XXYLT1: variants seen among roughly 807,000 people sequenced by gnomAD.
XXYLT1 encodes xyloside xylosyltransferase 1, also known as UDP-xylose:alpha-xyloside alpha-1,3-xylosyltransferase.
A neutral mutation model predicts 28.9 loss-of-function variants in XXYLT1; 20 were observed. The ratio of observed to expected loss-of-function variants is 0.69; its 90% confidence interval spans 0.49 to 1.00. XXYLT1 has a LOEUF of 1.00. XXYLT1 is among the 50% of genes least tolerant of loss of function. The pLI, the probability that XXYLT1 is intolerant of heterozygous loss-of-function variation, is 0.00. For synonymous variants in XXYLT1, 257 were observed against 253.8 expected (o/e 1.01, Z -0.12); for missense variants, 542 against 560.1 (o/e 0.97, Z 0.33).
intron 3 of XXYLT1, among the ~76,000 whole-genome samples, chr3:195,118,035 G>GC (rs1259985716): frequency 1.3e-5 from 2 of 152,162 alleles, no homozygotes; most frequent in African/African-American, 2.4e-5. Context: ...TCCACGTCCT[G>GC]CCCCCTAGAG....
chr3:195,247,213 G>A (rs1365525565), intron 1 of XXYLT1, among the ~76,000 whole-genome samples: 2 of 152,204 alleles, frequency 1.3e-5, no homozygotes, highest in Non-Finnish European at 1.5e-5. Flanking sequence ...TGAGATGGGA[G>A]AAGAGGGCGA....
Position 195,207,451 on chromosome 3 carries a change from CCTT to C in XXYLT1, c.652+19255_652+19257del, listed in dbSNP as rs1245720256. The C allele has an allele frequency of 8.8e-6, 4 of 456,442 alleles. No individual in the cohort carries two copies. In the Admixed American group the frequency reaches 9.4e-5, roughly 11 times the overall value. 28.3% of individuals were successfully genotyped at this position (456,442 alleles called of 1,614,324 possible). On this transcript the variant is annotated intron_variant, in intron 2 of 3. Coordinates refer to ENST00000310380, the MANE Select transcript of XXYLT1 (RefSeq NM_152531.5). ...TTGGAAAGTGGGACCGACAGACAGG[CCTT>C]CTGTTATGTGCAAGATGTTCTACCT...
chr3:195,226,717 A>T lies in XXYLT1; in HGVS notation c.644T>A (p.Met215Lys). ...FFLSVAMHQI[M>K]PKEILQIIQL... ...CTGGAAGCCCAGGTTACCTTTGGGC[A>T]TGATCTGATGCATGGCGACCGAGAG... Residue 215 changes from methionine to lysine, a missense_variant, in exon 2 of 4, where the codon ATG becomes AAG. Met to Lys is a moderately conservative substitution (Grantham distance 95, BLOSUM62 -1). Transcript: ENST00000310380. The T allele has an allele frequency of 6.2e-7, 1 of 1,612,948 alleles. No individual in the cohort carries two copies. Among genetic ancestry groups the T allele is most frequent in the Non-Finnish European group, 8.5e-7 (1 of 1,179,704 alleles).
chr3:195,262,799 A>G (rs1215787427), intron 1 of XXYLT1, among the ~76,000 whole-genome samples: 1 of 152,272 alleles, frequency 6.6e-6, no homozygotes, highest in Non-Finnish European at 1.5e-5. Flanking sequence ...CATAAGAAAC[A>G]TACATTGGTA....
intron 2 of XXYLT1, 86 bp downstream of exon 2, chr3:195,226,623 T>C: frequency 6.6e-7 from 1 of 1,510,304 alleles, no homozygotes; most frequent in Non-Finnish European, 8.9e-7. Flanking sequence ...TTCTCCCTGA[T>C]ACAGGGCCTG....
chr3:195,151,233 C>T (rs1407011730), intron 3 of XXYLT1, among the ~76,000 whole-genome samples: 4 of 152,130 alleles, frequency 2.6e-5, no homozygotes, highest in East Asian at 1.9e-4. Flanking sequence ...AGGAAAAAAG[C>T]GGGATATCTG....
At chr3:195,241,806 G>A (rs762219196) in intron 1 of XXYLT1, among the ~76,000 whole-genome samples, 7 of 151,208 alleles carry the variant, frequency 4.6e-5, no homozygotes, top group South Asian at 2.1e-4. Flanking sequence ...ACACACATGC[G>A]CACAACACAC....
chr3:195,237,776 C>T (rs1431169126), intron 1 of XXYLT1, among the ~76,000 whole-genome samples: 5 of 152,056 alleles, frequency 3.3e-5, no homozygotes, highest in African/African-American at 4.8e-5. Flanking sequence ...TCTAAGGTAC[C>T]GTTTCCTTTA....
At chr3:195,211,397 G>A (rs67413252) in intron 2 of XXYLT1, among the ~76,000 whole-genome samples, 21,494 of 152,106 alleles carry the variant, frequency 0.14, 3,293 homozygotes, top group African/African-American at 0.38. Context: ...CATCTCAAAA[G>A]AAGAAAAAGG....
chr3:195,195,620 A>G lies in XXYLT1; in HGVS notation c.652+31089T>C, dbSNP rs1722593502. Among the ~76,000 whole-genome samples the G allele has an allele frequency of 6.6e-6, 1 of 152,214 alleles. No individual in the cohort carries two copies. The highest frequency in any genetic ancestry group is 2.4e-5 in the African/African-American group (1 of 41,434). On this transcript the variant is annotated intron_variant, in intron 2 of 3. Coordinates refer to ENST00000310380, the MANE Select transcript of XXYLT1 (RefSeq NM_152531.5). This position sits in a 1 kb window ranked among gnomAD's most constrained non-coding sequence, Gnocchi z 4.4. ...GTAAATGAAAGAGATTCATGAATGAAAAGCTTTTGTGCCCTGGTCCCTTCA... is the reference window on the plus strand; with the variant it reads ...GTAAATGAAAGAGATTCATGAATGAGAAGCTTTTGTGCCCTGGTCCCTTCA...
chr3:195,107,798 C>T (rs1362947176), intron 3 of XXYLT1, among the ~76,000 whole-genome samples: 7 of 152,008 alleles, frequency 4.6e-5, no homozygotes, highest in African/African-American at 1.4e-4. Context: ...TCCTCATGGC[C>T]TCATGAGGCC....
In XXYLT1 at chr3:195,270,987, G is replaced by A; in HGVS notation, c.72C>T (p.Tyr24=). ...MARLGAVRSH[Y]CALLLAAALA... ...GCGCCGCGGCCAGCAGCAGGGCGCA[G>A]TAGTGGGAGCGCACAGCGCCCAGGC... is the stretch of plus-strand genomic sequence containing the variant. The change falls in exon 1 of 4, where the codon TAC becomes TAT. Residue 24 remains tyrosine, a synonymous_variant. Coordinates refer to ENST00000310380, the MANE Select transcript of XXYLT1 (RefSeq NM_152531.5). 6.7e-7 allele frequency: 1 copy of A among 1,482,992 alleles called. No homozygotes were observed. The highest frequency in any genetic ancestry group is 3.0e-5 in the East Asian group (1 of 33,466). The allele number at this position is 1,482,992 out of a possible 1,614,324, so 91.9% of individuals were successfully genotyped here.
chr3:195,105,156 T>A (rs552330235), intron 3 of XXYLT1, among the ~76,000 whole-genome samples: 1 of 152,210 alleles, frequency 6.6e-6, no homozygotes, highest in African/African-American at 2.4e-5. Context: ...ACAAGAATGA[T>A]AAAACCACAA....
intron 2 of XXYLT1, among the ~76,000 whole-genome samples, chr3:195,223,752 C>T (rs1341533297): frequency 6.6e-6 from 1 of 152,208 alleles, no homozygotes; most frequent in Non-Finnish European, 1.5e-5. Context: ...TGGCAGGACA[C>T]ACCCCAGACG....
rs923561329 is a variant in XXYLT1, at chr3:195,156,880, G to A, written c.653-299C>T. On this transcript the variant is annotated intron_variant, in intron 2 of 3. Transcript: ENST00000310380. ...TGCTGTCCTGATGTAACTGTTAACC[G>A]TGCACCATTTCACTCTCAAAAGTAT... Among the ~76,000 whole-genome samples the A allele has an allele frequency of 6.6e-5, 10 of 152,050 alleles. No individual in the cohort carries two copies. The South Asian group carries it at 1.2e-3, about 19-fold the overall frequency.
At position 195,157,242 on chromosome 3, in the gene XXYLT1, CAAAAAAAAAA is replaced by C. The variant is rs34312884; in HGVS notation, c.653-671_653-662del. Among the ~76,000 whole-genome samples, 54 of 73,830 alleles carry C rather than the reference CAAAAAAAAAA, an allele frequency of 7.3e-4. 1 individual carries two copies. Among genetic ancestry groups the C allele is most frequent in the African/African-American group, 2.9e-3 (52 of 17,792 alleles). 48.4% of individuals were successfully genotyped at this position (73,830 alleles called of 152,430 possible). ...TGGGCAACAGAGCAAGGCGCCATCT[CAAAAAAAAAA>C]AAAAAAAAAAAAAACCCTCAAAGCA... is the stretch of plus-strand genomic sequence containing the variant. On this transcript the variant is annotated intron_variant, in intron 2 of 3. Coordinates refer to ENST00000310380, the MANE Select transcript of XXYLT1 (RefSeq NM_152531.5).
intron 2 of XXYLT1, among the ~76,000 whole-genome samples, chr3:195,222,845 T>C (rs1723888070): frequency 6.6e-6 from 1 of 152,104 alleles, no homozygotes; most frequent in Admixed American, 6.6e-5. Context: ...AAAAAAAGAC[T>C]CAGAATGATT....
intron 3 of XXYLT1, among the ~76,000 whole-genome samples, chr3:195,104,732 T>G (rs1001315083): frequency 6.6e-6 from 1 of 152,168 alleles, no homozygotes; most frequent in Non-Finnish European, 1.5e-5. Flanking sequence ...AATACCTTGA[T>G]TTTAAATGTT....
chr3:195,258,618 G>A (rs1030811034), intron 1 of XXYLT1, among the ~76,000 whole-genome samples: 4 of 152,192 alleles, frequency 2.6e-5, no homozygotes, highest in African/African-American at 9.7e-5. Flanking sequence ...AGCACAGGCC[G>A]GCTAGCACTG....
Sources: gnomAD v4.1 joint callset for allele counts (sites outside exome capture counted in the v4.1 genomes callset) on GRCh38, gnomAD v4.1.1 for gene constraint, Gnocchi (gnomAD v3.1) non-coding constraint, MANE v1.5 for transcripts, NCBI Gene and HGNC (gene_info 2026-07-23, HGNC 2026-07-21) for gene names.